ANKRD44: variants seen among roughly 807,000 people sequenced by gnomAD.
ANKRD44 encodes the protein serine/threonine-protein phosphatase 6 regulatory ankyrin repeat subunit B.
Under a neutral mutation model 116.0 loss-of-function variants are expected in ANKRD44, and 35 were observed. The observed-to-expected ratio is 0.30, with a 90% CI of 0.23 to 0.40. The LOEUF (loss-of-function observed/expected upper bound fraction) is 0.40. ANKRD44 is among the 10% of genes least tolerant of loss of function. The pLI is 1.00. For synonymous variants in ANKRD44, 435 were observed against 461.8 expected, an observed-to-expected ratio of 0.94 and a Z score of 0.74; for missense variants, 1,014 against 1,242.6, an observed-to-expected ratio of 0.82 and a Z score of 2.77.
At position 197,067,232 on chromosome 2, in the gene ANKRD44, T is replaced by C. The variant is rs557590836; in HGVS notation, c.1650+11471A>G. On this transcript the variant is annotated intron_variant, in intron 16 of 27. Coordinates refer to ENST00000282272, the MANE Select transcript of ANKRD44 (RefSeq NM_001195144.2). ...GTGCTGGGAAAACTGGCTAGCCATA[T>C]GTAGAAAGCTGAAACTGGATCCCTT... 1.1e-4 allele frequency among the ~76,000 whole-genome samples: 16 copies of C among 152,166 alleles called. No individual in the cohort carries two copies. The South Asian group carries it at 3.3e-3, about 32-fold the overall frequency.
chr2:197,149,783 T>A (rs2079595685), intron 2 of ANKRD44, among the ~76,000 whole-genome samples: 1 of 152,148 alleles, frequency 6.6e-6, no homozygotes, highest in Admixed American at 6.5e-5. Flanking sequence ...GCCACAGTAA[T>A]CACCATGCTG....
intron 1 of ANKRD44, among the ~76,000 whole-genome samples, chr2:197,305,680 C>T (rs1332883881): frequency 2.0e-5 from 3 of 152,026 alleles, no homozygotes; most frequent in Admixed American, 6.5e-5. Context: ...TATGTGCTGG[C>T]GTTGGCTAAA....
intron 2 of ANKRD44, 30 bp downstream of exon 2, chr2:197,186,993 C>G: frequency 6.2e-7 from 1 of 1,600,254 alleles, no homozygotes; most frequent in Non-Finnish European, 8.6e-7. Context: ...GCTAACAGGG[C>G]CTGAGTAGCA....
intron 16 of ANKRD44, among the ~76,000 whole-genome samples, chr2:197,025,854 G>A (rs768802052): frequency 3.3e-5 from 5 of 152,096 alleles, no homozygotes; most frequent in African/African-American, 4.8e-5. Context: ...AGAGGAAATA[G>A]TCAATGATAT....
At chr2:197,250,371 C>T (rs989375434) in intron 1 of ANKRD44, among the ~76,000 whole-genome samples, 8 of 152,198 alleles carry the variant, frequency 5.3e-5, no homozygotes, top group African/African-American at 1.2e-4. Flanking sequence ...CCCCAGTTGA[C>T]TTCCATGAAG....
At chr2:196,990,473 G>C (rs1326964341) in intron 27 of ANKRD44, 3 of 1,214,354 alleles carry the variant, frequency 2.5e-6, no homozygotes, top group Non-Finnish European at 3.1e-6. Flanking sequence ...TAGATTTAAA[G>C]AAAATGTGAA....
At chr2:197,065,694 A>G (rs2077417001) in intron 16 of ANKRD44, among the ~76,000 whole-genome samples, 1 of 152,202 alleles carries the variant, frequency 6.6e-6, no homozygotes, top group South Asian at 2.1e-4. Context: ...AAACTAGAAA[A>G]TCTAGAAGAA....
At chr2:197,077,404 T>C (rs1421452557) in intron 16 of ANKRD44, among the ~76,000 whole-genome samples, 2 of 152,156 alleles carry the variant, frequency 1.3e-5, no homozygotes, top group Non-Finnish European at 2.9e-5. Context: ...TTCTAATCCA[T>C]CCACAGTTAG....
At chr2:197,136,445 C>G in intron 4 of ANKRD44, 147 bp downstream of exon 4, 1 of 707,652 alleles carries the variant, frequency 1.4e-6, no homozygotes, top group Non-Finnish European at 2.4e-6. Context: ...ACAGGAGATA[C>G]TCAAATAAAA....
intron 18 of ANKRD44, 58 bp from the exon 19 acceptor site, chr2:197,009,089 C>A: frequency 6.9e-7 from 1 of 1,448,180 alleles, no homozygotes; most frequent in South Asian, 1.1e-5. Flanking sequence ...ATATCTCTTC[C>A]AAATGACTTT....
intron 1 of ANKRD44, among the ~76,000 whole-genome samples, chr2:197,244,058 C>T (rs931891016): frequency 2.0e-4 from 31 of 152,152 alleles, no homozygotes; most frequent in African/African-American, 7.0e-4. Context: ...GAACACTCAT[C>T]GCTGTCATCC....
At chr2:197,113,170 C>G (rs2078629976) in intron 8 of ANKRD44, among the ~76,000 whole-genome samples, 1 of 152,114 alleles carries the variant, frequency 6.6e-6, no homozygotes, top group Non-Finnish European at 1.5e-5. Context: ...GAATGAGATA[C>G]AAAACCATCG....
At position 197,081,702 on chromosome 2, in the gene ANKRD44, TG is replaced by T; in HGVS notation, c.1480del (p.His494MetfsTer13). On this transcript the variant is annotated frameshift_variant, in exon 15 of 28. Coordinates refer to ENST00000282272, the MANE Select transcript of ANKRD44 (RefSeq NM_001195144.2). LOFTEE classifies it high-confidence loss of function. ...DRNKTILGNA[H>X]DNSEELERAR... The stretch of plus-strand genomic sequence containing the variant: ...TCTTTCAAGTTCTTCTGAATTATCA[TG>T]GGCATTTCCTAAGATAGTCTTACTT... 6.2e-7 allele frequency: 1 copy of T among 1,613,978 alleles called. No individual in the cohort carries two copies. Among genetic ancestry groups the T allele is most frequent in the Non-Finnish European group, 8.5e-7 (1 of 1,179,864 alleles).
intron 16 of ANKRD44, among the ~76,000 whole-genome samples, chr2:197,071,247 G>A (rs1224993514): frequency 6.6e-6 from 1 of 152,076 alleles, no homozygotes; most frequent in Non-Finnish European, 1.5e-5. Flanking sequence ...CTTATTTTGA[G>A]TTTAATTTGC....
chr2:197,128,142 T>C (rs2079019678), intron 4 of ANKRD44, among the ~76,000 whole-genome samples: 2 of 152,226 alleles, frequency 1.3e-5, no homozygotes, highest in South Asian at 2.1e-4. Flanking sequence ...TGCATGTATC[T>C]TTCTAATAGA....
intron 21 of ANKRD44, among the ~76,000 whole-genome samples, chr2:196,981,160 T>G (rs2075798880): frequency 1.3e-5 from 2 of 152,202 alleles, no homozygotes; most frequent in South Asian, 2.1e-4. Context: ...TAATTCTGTC[T>G]TATCCTGACC....
chr2:197,196,188 A>G (rs2080943985), intron 1 of ANKRD44, among the ~76,000 whole-genome samples: 1 of 152,238 alleles, frequency 6.6e-6, no homozygotes, highest in African/African-American at 2.4e-5. Context: ...GAATTCATGT[A>G]GTTGCAAACA....
chr2:197,140,389 G>A (rs1343631780), intron 3 of ANKRD44, among the ~76,000 whole-genome samples: 1 of 152,028 alleles, frequency 6.6e-6, no homozygotes, highest in Admixed American at 6.6e-5. Flanking sequence ...TGGCATTATA[G>A]CTCACTGCAG....
downstream of ANKRD44, among the ~76,000 whole-genome samples, chr2:196,984,524 T>C (rs2075823702): frequency 6.6e-6 from 1 of 152,262 alleles, no homozygotes; most frequent in African/African-American, 2.4e-5. Flanking sequence ...TGCAAACTAA[T>C]TCTGGAACAC....
Sources: allele counts gnomAD v4.1 joint callset (sites outside exome capture counted in the v4.1 genomes callset), GRCh38; gene constraint gnomAD v4.1.1; transcripts MANE v1.5; gene names NCBI Gene and HGNC (gene_info 2026-07-23, HGNC 2026-07-21).